The following SORCS3 variants were observed in gnomAD, a reference collection of about 807,000 sequenced individuals.
SORCS3 encodes the protein sortilin related VPS10 domain containing receptor 3, also known as VPS10 domain-containing receptor SorCS3.
SORCS3 carries 57 observed loss-of-function variants against 146.3 expected under a neutral mutation model. That is an observed-to-expected ratio of 0.39 (90% confidence interval 0.31 to 0.49). The LOEUF (loss-of-function observed/expected upper bound fraction) is 0.49, where lower values mean the gene tolerates loss of function less well. SORCS3 is among the 20% of genes least tolerant of loss of function. The pLI is 0.92. For synonymous variants in SORCS3, 653 were observed against 618.5 expected (o/e 1.06, Z -0.83); for missense variants, 1,341 against 1,575.5 (o/e 0.85, Z 2.52).
At chr10:104,751,818 A>C (rs976249829) in intron 1 of SORCS3, among the ~76,000 whole-genome samples, 18 of 149,656 alleles carry the variant, frequency 1.2e-4, no homozygotes, top group African/African-American at 4.4e-4. Context: ...ACCCAGAGAT[A>C]CTCTCCCACA....
At chr10:104,731,000 G>A (rs534226176) in intron 1 of SORCS3, among the ~76,000 whole-genome samples, 36 of 152,344 alleles carry the variant, frequency 2.4e-4, no homozygotes, top group African/African-American at 8.7e-4. Context: ...CCTATGGTCT[G>A]GGGCCAGGGG....
At chr10:105,042,358 A>G (rs1167825491) in intron 4 of SORCS3, among the ~76,000 whole-genome samples, 1 of 152,236 alleles carries the variant, frequency 6.6e-6, no homozygotes, top group Non-Finnish European at 1.5e-5. Flanking sequence ...TGTATATGAA[A>G]GAACAACATG....
At chr10:105,075,875 G>A (rs1266056217) in intron 5 of SORCS3, among the ~76,000 whole-genome samples, 1 of 152,164 alleles carries the variant, frequency 6.6e-6, no homozygotes, top group East Asian at 1.9e-4. Flanking sequence ...CAGTAACTTA[G>A]TCAAAACTAC....
chr10:104,957,681 G>A (rs1415766630), intron 3 of SORCS3, among the ~76,000 whole-genome samples: 1 of 151,996 alleles, frequency 6.6e-6, no homozygotes, highest in African/African-American at 2.4e-5. Flanking sequence ...CACCCTCTCT[G>A]GCTGAGGCAG....
At chr10:104,869,448 G>A (rs1309780080) in intron 2 of SORCS3, among the ~76,000 whole-genome samples, 2 of 152,114 alleles carry the variant, frequency 1.3e-5, no homozygotes, top group Admixed American at 1.3e-4. Flanking sequence ...CATTGAAGAG[G>A]GCCATGTGCC....
Position 105,200,133 on chromosome 10 carries a change from G to T in SORCS3, c.2127+17G>T. The T allele has an allele frequency of 6.3e-7, 1 of 1,593,586 alleles. No individual in the cohort carries two copies. Among genetic ancestry groups the T allele is most frequent in the Non-Finnish European group, 8.6e-7 (1 of 1,162,750 alleles). ...CTCAATCAGGTACACACCCCAGGGA[G>T]TTGGAGTGCTGGCTTTGAGGAGGAG... On this transcript the variant is annotated intron_variant, in intron 15 of 26. Transcript: ENST00000369701.
intron 8 of SORCS3, 43 bp from the exon 9 acceptor site, chr10:105,147,574 A>G: frequency 6.5e-7 from 1 of 1,549,126 alleles, no homozygotes; most frequent in Non-Finnish European, 8.8e-7. Flanking sequence ...GGGCAGAGAG[A>G]TATGGAGATC....
At chr10:104,899,431 A>G (rs1360169943) in intron 2 of SORCS3, among the ~76,000 whole-genome samples, 2 of 152,184 alleles carry the variant, frequency 1.3e-5, no homozygotes, top group Non-Finnish European at 1.5e-5. Context: ...CTAGCAGTCA[A>G]TGTCAGGAGC....
intron 3 of SORCS3, among the ~76,000 whole-genome samples, chr10:104,948,160 A>G (rs1298619253): frequency 3.3e-5 from 5 of 152,134 alleles, no homozygotes; most frequent in Admixed American, 6.5e-5. Context: ...CTGGACACCA[A>G]TCCCTGCCTG....
At chr10:104,737,981 G>C (rs2016795694) in intron 1 of SORCS3, among the ~76,000 whole-genome samples, 1 of 151,452 alleles carries the variant, frequency 6.6e-6, no homozygotes, top group Admixed American at 6.6e-5. Context: ...TCCAGTTTCA[G>C]CTTTCTACAT....
intron 1 of SORCS3, among the ~76,000 whole-genome samples, chr10:104,696,093 A>ATAAT (rs755039152): frequency 5.6e-5 from 1 of 17,792 alleles, no homozygotes; most frequent in African/African-American, 1.7e-4. Flanking sequence ...ACACATATAT[A>ATAAT]ATATATCATA....
intron 1 of SORCS3, among the ~76,000 whole-genome samples, chr10:104,781,634 G>A (rs1330465181): frequency 6.6e-6 from 1 of 152,206 alleles, no homozygotes; most frequent in Admixed American, 6.5e-5. Context: ...AACAAAAAAT[G>A]ATAATAGAAA....
rs1006684357 is a variant in SORCS3 at position 105,262,584 on chromosome 10, G to A, written c.3604+93G>A. 9 of 1,332,422 alleles carry A rather than the reference G, an allele frequency of 6.8e-6. No homozygotes were observed. The African/African-American group carries it at 1.3e-4, about 19-fold the overall frequency. 82.5% of individuals were successfully genotyped at this position (1,332,422 alleles called of 1,614,324 possible). A position where few individuals can be genotyped will look rare whatever the true frequency, so the allele number is the denominator to read the frequency against. ...CCCCCATACATTACTGGACTGGAGG[G>A]TGGGGACAAACAACTACCTACAGTG... On this transcript the variant is annotated intron_variant, in intron 26 of 26. Coordinates refer to ENST00000369701, the MANE Select transcript of SORCS3 (RefSeq NM_014978.3).
At position 105,139,378 on chromosome 10, in the gene SORCS3, T is replaced by G. The variant is rs764419461; in HGVS notation, c.1213-19T>G. 6.3e-7 allele frequency: 1 copy of G among 1,596,580 alleles called. No individual in the cohort carries two copies. Among genetic ancestry groups the G allele is most frequent in the Non-Finnish European group, 8.6e-7 (1 of 1,164,124 alleles). On this transcript the variant is annotated intron_variant, in intron 7 of 26. Transcript: ENST00000369701. Reference sequence around the variant, plus strand: ...TCTGTGGCCTCATCTGATCTCTTTGTGTTTCCCCCACAATCTAGGTAACAA... The same window carrying G: ...TCTGTGGCCTCATCTGATCTCTTTGGGTTTCCCCCACAATCTAGGTAACAA...
At chr10:104,902,352 A>C (rs1171743812) in intron 2 of SORCS3, among the ~76,000 whole-genome samples, 3 of 152,184 alleles carry the variant, frequency 2.0e-5, no homozygotes, top group African/African-American at 7.2e-5. Context: ...TCTCTGGAAA[A>C]GTGCTGAATT....
chr10:105,052,260 T>G (rs2055418344), intron 5 of SORCS3, among the ~76,000 whole-genome samples: 1 of 152,142 alleles, frequency 6.6e-6, no homozygotes, highest in Admixed American at 6.6e-5. Context: ...GACAGCCACA[T>G]CCACTCACCT....
At chr10:104,995,425 T>G (rs544393853) in intron 4 of SORCS3, among the ~76,000 whole-genome samples, 25 of 152,326 alleles carry the variant, frequency 1.6e-4, no homozygotes, top group Non-Finnish European at 2.9e-4. Context: ...CCCAAAGTAC[T>G]AGGATTACAG....
intron 2 of SORCS3, among the ~76,000 whole-genome samples, chr10:104,858,851 G>A (rs7097314): frequency 0.13 from 19,290 of 149,704 alleles, 2,411 homozygotes; most frequent in African/African-American, 0.33. Flanking sequence ...TTGATCTCCT[G>A]ACCTCGTGAT....
intron 1 of SORCS3, chr10:104,666,319 A>T (rs1192052080): frequency 6.6e-6 from 1 of 152,182 alleles, no homozygotes; most frequent in East Asian, 1.9e-4. Context: ...CCTCCGAGTC[A>T]CAGAGACTGG....
Sources: allele counts gnomAD v4.1 joint callset (sites outside exome capture counted in the v4.1 genomes callset), GRCh38; gene constraint gnomAD v4.1.1; transcripts MANE v1.5; gene names NCBI Gene and HGNC (gene_info 2026-07-23, HGNC 2026-07-21).